The following TIAM2 variants were observed in gnomAD, a reference collection of about 807,000 sequenced individuals.
The protein encoded by TIAM2 is TIAM Rac1 associated GEF 2.
A neutral mutation model predicts 152.9 loss-of-function variants in TIAM2; 80 were observed. The ratio of observed to expected loss-of-function variants is 0.52; its 90% confidence interval spans 0.44 to 0.63. The LOEUF (loss-of-function observed/expected upper bound fraction) is 0.63. Ranked by LOEUF, TIAM2 falls within the 30% of genes least tolerant of loss-of-function variation. The pLI is 0.00. For missense variants in TIAM2, 1,965 were observed against 2,120.1 expected (o/e 0.93, Z 1.44); for synonymous variants, 804 against 838.0 (o/e 0.96, Z 0.70).
intron 15 of TIAM2, among the ~76,000 whole-genome samples, chr6:155,240,319 A>G (rs1399061187): frequency 2.6e-5 from 4 of 152,254 alleles, no homozygotes; most frequent in Non-Finnish European, 4.4e-5. Context: ...TCGTGTGTAA[A>G]CACTGAACAT....
At chr6:155,060,835 C>T (rs1777562179) in intron 1 of TIAM2, among the ~76,000 whole-genome samples, 1 of 152,194 alleles carries the variant, frequency 6.6e-6, no homozygotes. Flanking sequence ...GAGGAGGTTG[C>T]AGTGAGCCGA....
intron 1 of TIAM2, among the ~76,000 whole-genome samples, chr6:154,998,425 C>CTGCATGAA (rs1396645872): frequency 6.6e-6 from 1 of 152,074 alleles, no homozygotes; most frequent in Non-Finnish European, 1.5e-5. Flanking sequence ...TATTTAATAT[C>CTGCATGAA]ACAGTTTTAT....
chr6:155,132,082 C>G (rs1185793231), intron 4 of TIAM2, among the ~76,000 whole-genome samples: 1 of 150,412 alleles, frequency 6.6e-6, no homozygotes, highest in Non-Finnish European at 1.5e-5. Context: ...TGATAGTTTG[C>G]CTTTTTAGGT....
At chr6:155,193,741 CA>C (rs1173391967) in intron 14 of TIAM2, among the ~76,000 whole-genome samples, 3 of 152,092 alleles carry the variant, frequency 2.0e-5, no homozygotes, top group Non-Finnish European at 4.4e-5. Context: ...GGAAAATTAC[CA>C]ATTTTTGCTG....
Position 155,254,407 on chromosome 6 carries a change from C to T in TIAM2, c.4314-12C>T, listed in dbSNP as rs773621969. ...TGGACACTTCTGCTGTTTTCTCTCC[C>T]CCCCCACCCAGTGACAGTGAAAGCA... is the stretch of plus-strand genomic sequence containing the variant. On this transcript the variant is annotated splice_polypyrimidine_tract_variant and intron_variant, in intron 25 of 26. Transcript: ENST00000682666. 3.7e-6 allele frequency: 6 copies of T among 1,609,778 alleles called. No homozygotes were observed. In the African/African-American group the frequency reaches 8.0e-5, roughly 22 times the overall value.
intron 9 of TIAM2, among the ~76,000 whole-genome samples, chr6:155,165,900 A>G (rs141057867): frequency 0.015 from 2,211 of 152,264 alleles, 170 homozygotes; most frequent in Admixed American, 0.13. Flanking sequence ...GGCACCCCTG[A>G]AGAGGTAGTC....
At chr6:155,182,987 G>A (rs940602876) in intron 13 of TIAM2, among the ~76,000 whole-genome samples, 2 of 152,104 alleles carry the variant, frequency 1.3e-5, no homozygotes, top group South Asian at 2.1e-4. Context: ...TTTAAAAGAC[G>A]AAGTCTTGCT....
intron 7 of TIAM2, among the ~76,000 whole-genome samples, chr6:155,162,965 C>T (rs1051776658): frequency 4.6e-5 from 7 of 152,072 alleles, no homozygotes; most frequent in East Asian, 1.9e-4. Context: ...AGTTGTGCAG[C>T]GACCAACCTA....
intron 2 of TIAM2, among the ~76,000 whole-genome samples, chr6:155,093,617 T>C (rs1778349696): frequency 6.6e-6 from 1 of 152,222 alleles, no homozygotes; most frequent in Non-Finnish European, 1.5e-5. Flanking sequence ...GACTTTCCTA[T>C]AGAGCTGTGG....
rs1185714743 is a variant in TIAM2 at position 155,256,230 on chromosome 6, C to T, written c.4469-254C>T. ...TAGCCCATGTAGTAGTTTCTAGTGTCTAGTTCTATTTACATAATTGAGCTC... is the reference window on the plus strand; with the variant it reads ...TAGCCCATGTAGTAGTTTCTAGTGTTTAGTTCTATTTACATAATTGAGCTC... On this transcript the variant is annotated intron_variant, in intron 26 of 26. Transcript: ENST00000682666. 8.4e-6 allele frequency: 5 copies of T among 598,044 alleles called. No individual in the cohort carries two copies. In the Admixed American group the frequency reaches 1.6e-4, roughly 19 times the overall value. 37.0% of individuals were successfully genotyped at this position (598,044 alleles called of 1,614,324 possible).
intron 1 of TIAM2, among the ~76,000 whole-genome samples, chr6:155,089,481 A>G (rs878982134): frequency 4.6e-5 from 7 of 152,188 alleles, no homozygotes; most frequent in Admixed American, 2.0e-4. Context: ...TGCTGGGATT[A>G]TAGACATGAG....
intron 1 of TIAM2, among the ~76,000 whole-genome samples, chr6:155,031,282 A>G (rs1776815866): frequency 6.6e-6 from 1 of 152,246 alleles, no homozygotes; most frequent in Admixed American, 6.5e-5. Context: ...ATATTTTAGA[A>G]TGAGTCAATA....
At chr6:155,190,648 C>T (rs960976199) in intron 14 of TIAM2, among the ~76,000 whole-genome samples, 1 of 152,214 alleles carries the variant, frequency 6.6e-6, no homozygotes, top group Non-Finnish European at 1.5e-5. Flanking sequence ...TAAAAATCTA[C>T]AGAAGTTCTC....
In TIAM2 at chr6:155,088,978, G is replaced by T. The variant is rs145209667; in HGVS notation, c.-208-1311G>T. On this transcript the variant is annotated intron_variant, in intron 1 of 26. Transcript: ENST00000682666. ...TCTGGGTTAAGGACACATGGTTATT[G>T]CCATAAAACAGTATCTTGTTTACAT... 3.3e-5 allele frequency among the ~76,000 whole-genome samples: 5 copies of T among 152,150 alleles called. No homozygotes were observed. The East Asian group carries it at 9.7e-4, about 29-fold the overall frequency.
Position 155,147,369 on chromosome 6 carries a change from C to T in TIAM2, c.1804-741C>T, listed in dbSNP as rs1298401474. Among the ~76,000 whole-genome samples, 13 of 151,968 alleles carry T rather than the reference C, an allele frequency of 8.6e-5. 1 individual carries two copies. Among genetic ancestry groups the T allele is most frequent in the African/African-American group, 2.2e-4 (9 of 41,346 alleles). On this transcript the variant is annotated intron_variant, in intron 6 of 26. Coordinates refer to ENST00000682666, the MANE Select transcript of TIAM2 (RefSeq NM_012454.4). ...TCACCCAGGCTGGCGTGCAGTGGCA[C>T]GATCTCAGCTCACTGCAACCTCCGC... is the stretch of plus-strand genomic sequence containing the variant.
At chr6:155,147,681 C>T (rs1257553877) in intron 6 of TIAM2, among the ~76,000 whole-genome samples, 3 of 152,128 alleles carry the variant, frequency 2.0e-5, no homozygotes, top group Admixed American at 2.0e-4. Context: ...GATGTGGTTT[C>T]ACCATATTGG....
Position 155,245,721 on chromosome 6 carries a change from T to C in TIAM2, c.3642T>C (p.Val1214=), listed in dbSNP as rs950654183. The part of the protein sequence containing the change: ...FCANHIKVQK[V]LERAKTDKAF... Reference sequence around the variant, plus strand: ...CTAACCATATCAAAGTACAGAAGGTTCTGGAGCGAGGTAAGTTGCTTATGC... The same window carrying C: ...CTAACCATATCAAAGTACAGAAGGTCCTGGAGCGAGGTAAGTTGCTTATGC... The change falls in exon 19 of 27, where the codon GTT becomes GTC. Residue 1214 remains valine (V), a synonymous_variant. Transcript: ENST00000682666. 1.9e-6 allele frequency: 3 copies of C among 1,596,472 alleles called. No homozygotes were observed. The highest frequency in any genetic ancestry group is 2.7e-5 in the African/African-American group (2 of 73,918).
intron 15 of TIAM2, among the ~76,000 whole-genome samples, chr6:155,237,318 T>C (rs1562366130): frequency 1.3e-5 from 2 of 152,244 alleles, no homozygotes; most frequent in Non-Finnish European, 2.9e-5. Context: ...GGTAGCTCTG[T>C]CCCTGTGGCT....
At chr6:155,047,472 G>A (rs1468276860) in intron 1 of TIAM2, among the ~76,000 whole-genome samples, 1 of 152,130 alleles carries the variant, frequency 6.6e-6, no homozygotes, top group Non-Finnish European at 1.5e-5. Context: ...CAGCCACTGT[G>A]CTTGGCCATC....
Sources: gnomAD v4.1 joint callset for allele counts (sites outside exome capture counted in the v4.1 genomes callset) on GRCh38, gnomAD v4.1.1 for gene constraint, MANE v1.5 for transcripts, NCBI Gene and HGNC (gene_info 2026-07-23, HGNC 2026-07-21) for gene names.